The following GRIA1 variants were observed in gnomAD, a reference collection of about 807,000 sequenced individuals.
GRIA1 encodes glutamate receptor 1.
In GRIA1, 31 loss-of-function variants were observed where a neutral mutation model predicts 99.2. The ratio of observed to expected loss-of-function variants is 0.31; its 90% CI spans 0.23 to 0.42. The LOEUF is 0.42. Among genes scored for constraint, GRIA1 ranks in the 10% least tolerant of loss-of-function variants. The pLI is 1.00. For synonymous variants in GRIA1, 438 were observed against 432.4 expected, an observed-to-expected ratio of 1.01 and a Z score of -0.16; for missense variants, 782 against 1,157.5, an observed-to-expected ratio of 0.68 and a Z score of 4.71.
chr5:153,767,617 C>A (rs1581623075), intron 12 of GRIA1, among the ~76,000 whole-genome samples: 1 of 152,070 alleles, frequency 6.6e-6, no homozygotes, highest in East Asian at 1.9e-4. Flanking sequence ...GGTTACCTAC[C>A]ACCCCCACAA....
intron 11 of GRIA1, 41 bp downstream of exon 11, chr5:153,706,108 T>TTTGTTTG (rs1758872033): frequency 3.7e-6 from 5 of 1,348,898 alleles, no homozygotes; most frequent in African/African-American, 1.5e-5. Flanking sequence ...AATGCTATGG[T>TTTGTTTG]TTTGTTTGTT....
intron 11 of GRIA1, among the ~76,000 whole-genome samples, chr5:153,713,585 A>G (rs1035725609): frequency 5.3e-5 from 8 of 152,254 alleles, no homozygotes; most frequent in African/African-American, 1.7e-4. Flanking sequence ...CAGCATGGAA[A>G]TGTTAAAATG....
intron 1 of GRIA1, among the ~76,000 whole-genome samples, chr5:153,493,684 G>A (rs866234476): frequency 6.6e-6 from 1 of 152,068 alleles, no homozygotes; most frequent in South Asian, 2.1e-4. Context: ...TGAGTTGAGG[G>A]GTACACAATC....
intron 12 of GRIA1, among the ~76,000 whole-genome samples, chr5:153,765,369 T>C (rs879907709): frequency 6.6e-6 from 1 of 152,154 alleles, no homozygotes; most frequent in Admixed American, 6.5e-5. Flanking sequence ...AGATAGGGTA[T>C]CTAAAATTAG....
At chr5:153,777,571 CT>C (rs1395262160) in intron 13 of GRIA1, among the ~76,000 whole-genome samples, 2 of 152,126 alleles carry the variant, frequency 1.3e-5, no homozygotes, top group Admixed American at 1.3e-4. Flanking sequence ...TTTTCTACCC[CT>C]CTCCTCCTCC....
intron 6 of GRIA1, 50 bp from the exon 7 acceptor site, chr5:153,676,944 C>T (rs1371745860): frequency 2.3e-6 from 3 of 1,329,636 alleles, no homozygotes; most frequent in Non-Finnish European, 2.9e-6. Flanking sequence ...CCAAACCTGC[C>T]TTCCTGTCAG....
At chr5:153,627,696 A>G (rs953371584) in intron 2 of GRIA1, among the ~76,000 whole-genome samples, 2 of 152,100 alleles carry the variant, frequency 1.3e-5, no homozygotes, top group Admixed American at 1.3e-4. Flanking sequence ...AGAGCTGCAT[A>G]TGCCCCCACC....
chr5:153,530,698 C>T (rs1561615908), intron 2 of GRIA1, among the ~76,000 whole-genome samples: 1 of 152,212 alleles, frequency 6.6e-6, no homozygotes, highest in Non-Finnish European at 1.5e-5. Context: ...GCATGCTTTA[C>T]CTCCCTATGT....
At chr5:153,702,921 A>C (rs1758633031) in intron 10 of GRIA1, among the ~76,000 whole-genome samples, 1 of 152,222 alleles carries the variant, frequency 6.6e-6, no homozygotes, top group Non-Finnish European at 1.5e-5. Flanking sequence ...AAAATGAGGA[A>C]ATTGACATCC....
chr5:153,723,746 C>G (rs967452058), intron 11 of GRIA1, among the ~76,000 whole-genome samples: 1 of 151,610 alleles, frequency 6.6e-6, no homozygotes, highest in African/African-American at 2.4e-5. Flanking sequence ...CCAGGAAGCT[C>G]GAACTGGGTG....
chr5:153,745,860 C>A (rs937740064), intron 11 of GRIA1, among the ~76,000 whole-genome samples: 1 of 151,982 alleles, frequency 6.6e-6, no homozygotes, highest in African/African-American at 2.4e-5. Flanking sequence ...TTTTTCACTT[C>A]ACCTCTTATG....
intron 1 of GRIA1, chr5:153,492,227 C>CT (rs888881381): frequency 6.5e-7 from 1 of 1,531,714 alleles, no homozygotes; most frequent in African/African-American, 1.4e-5. Flanking sequence ...CTCTTTCAGC[C>CT]TCTCCAGCTA....
In GRIA1 at chr5:153,698,945, C is replaced by T; in HGVS notation, c.1324C>T (p.Leu442=). The T allele has an allele frequency of 6.2e-7, 1 of 1,613,432 alleles. No individual in the cohort carries two copies. Among genetic ancestry groups the T allele is most frequent in the East Asian group, 2.2e-5 (1 of 44,858 alleles). ...CCGTTACGAGGGCTACTGTGTAGAG[C>T]TGGCGGCAGAGATTGCCAAGCACGT... ...NDRYEGYCVE[L]AAEIAKHVGY... Residue 442 remains leucine, a synonymous_variant, in exon 10 of 16, where the codon CTG becomes TTG. Coordinates refer to ENST00000285900, the MANE Select transcript of GRIA1 (RefSeq NM_000827.4).
chr5:153,712,642 A>G (rs1759396605), intron 11 of GRIA1, among the ~76,000 whole-genome samples: 1 of 129,852 alleles, frequency 7.7e-6, no homozygotes, highest in Non-Finnish European at 1.7e-5. Context: ...ATATTGAGGC[A>G]AGTTGATGAA....
chr5:153,639,351 G>T (rs1320200018), intron 2 of GRIA1, among the ~76,000 whole-genome samples: 1 of 152,160 alleles, frequency 6.6e-6, no homozygotes, highest in African/African-American at 2.4e-5. Flanking sequence ...CTCCTCACCT[G>T]CATCTCTACT....
chr5:153,522,151 G>T (rs1757208520), intron 2 of GRIA1, among the ~76,000 whole-genome samples: 1 of 152,192 alleles, frequency 6.6e-6, no homozygotes, highest in Non-Finnish European at 1.5e-5. Flanking sequence ...TTTGAATCCT[G>T]AACCCACTAC....
At chr5:153,499,483 C>A (rs1561587468) in intron 2 of GRIA1, among the ~76,000 whole-genome samples, 1 of 151,782 alleles carries the variant, frequency 6.6e-6, no homozygotes, top group Admixed American at 6.6e-5. Context: ...GGCGTGGTGG[C>A]ACGCACCTGT....
At chr5:153,553,523 C>G (rs1760341937) in intron 2 of GRIA1, among the ~76,000 whole-genome samples, 1 of 152,154 alleles carries the variant, frequency 6.6e-6, no homozygotes, top group African/African-American at 2.4e-5. Context: ...GGGGGTCTTA[C>G]ATTACTTCTC....
chr5:153,679,738 T>C (rs1231765264), intron 7 of GRIA1, among the ~76,000 whole-genome samples: 1 of 152,156 alleles, frequency 6.6e-6, no homozygotes, highest in East Asian at 1.9e-4. Flanking sequence ...GAGGCTCAGG[T>C]CTCTACTGCC....
Sources: gnomAD v4.1 joint callset for allele counts (sites outside exome capture counted in the v4.1 genomes callset) on GRCh38, gnomAD v4.1.1 for gene constraint, MANE v1.5 for transcripts, NCBI Gene and HGNC (gene_info 2026-07-23, HGNC 2026-07-21) for gene names.